Variants in NSMCE2 observed in about 807,000 individuals in gnomAD.
NSMCE2 encodes E3 SUMO-protein ligase NSE2.
In NSMCE2, 24 loss-of-function variants were observed where a neutral mutation model predicts 23.8. The observed-to-expected ratio is 1.01, with a 90% CI of 0.73 to 1.42. The LOEUF is 1.42. Among genes scored for constraint, NSMCE2 ranks in the 40% most tolerant of loss-of-function variants. The pLI is 0.00. For synonymous variants in NSMCE2, 92 were observed against 94.1 expected, an observed-to-expected ratio of 0.98 and a Z score of 0.13; for missense variants, 284 against 296.5, an observed-to-expected ratio of 0.96 and a Z score of 0.31.
chr8:125,233,062 G>A (rs1329724923), intron 5 of NSMCE2, among the ~76,000 whole-genome samples: 3 of 152,138 alleles, frequency 2.0e-5, no homozygotes, highest in Non-Finnish European at 4.4e-5. Flanking sequence ...GTGACCTTAC[G>A]GAAAAGTAAG....
intron 5 of NSMCE2, among the ~76,000 whole-genome samples, chr8:125,256,999 A>G (rs1473338606): frequency 1.4e-5 from 2 of 146,436 alleles, no homozygotes. Flanking sequence ...CCTGACATGT[A>G]GAAGTTAGTT....
At chr8:125,137,898 T>C (rs925684141) in intron 3 of NSMCE2, among the ~76,000 whole-genome samples, 2 of 152,228 alleles carry the variant, frequency 1.3e-5, no homozygotes, top group Non-Finnish European at 2.9e-5. Flanking sequence ...AGATGATGCA[T>C]GTAAATTGCT....
chr8:125,132,184 A>C (rs1208972123), intron 3 of NSMCE2, among the ~76,000 whole-genome samples: 2 of 152,076 alleles, frequency 1.3e-5, no homozygotes. Flanking sequence ...TGTAAACTGC[A>C]ACTCCTGGGC....
At chr8:125,131,854 C>A (rs574303163) in intron 3 of NSMCE2, among the ~76,000 whole-genome samples, 47 of 152,278 alleles carry the variant, frequency 3.1e-4, no homozygotes, top group African/African-American at 1.1e-3. Context: ...AGGTGCCTTG[C>A]ACAAGTAGGT....
At chr8:125,307,995 A>C (rs1004130549) in intron 5 of NSMCE2, among the ~76,000 whole-genome samples, 3 of 152,118 alleles carry the variant, frequency 2.0e-5, no homozygotes, top group Admixed American at 2.0e-4. Flanking sequence ...CAAATCTGAC[A>C]ACACTGTGTC....
At chr8:125,348,329 T>G (rs1178099033) in intron 5 of NSMCE2, 1 of 152,292 alleles carries the variant, frequency 6.6e-6, no homozygotes, top group Non-Finnish European at 1.5e-5. Flanking sequence ...TTCTAGTATT[T>G]TTGTTGAAAT....
chr8:125,301,952 C>T (rs760727653), intron 5 of NSMCE2, among the ~76,000 whole-genome samples: 7 of 151,890 alleles, frequency 4.6e-5, no homozygotes, highest in East Asian at 3.9e-4. Context: ...CATGAGCCAC[C>T]GCACCTGCCC....
intron 5 of NSMCE2, among the ~76,000 whole-genome samples, chr8:125,312,838 C>T (rs1829021834): frequency 1.3e-5 from 2 of 151,796 alleles, no homozygotes; most frequent in East Asian, 3.9e-4. Flanking sequence ...AGTACGGGGC[C>T]GGTTGGAGAA....
intron 5 of NSMCE2, among the ~76,000 whole-genome samples, chr8:125,294,010 T>C (rs1049417013): frequency 1.3e-5 from 2 of 152,328 alleles, no homozygotes; most frequent in South Asian, 4.1e-4. Context: ...CCACTAAATC[T>C]ACTTTCTATC....
At position 125,157,303 on chromosome 8, in the gene NSMCE2, C is replaced by G. The variant is rs554686955; in HGVS notation, c.264+6026C>G. Among the ~76,000 whole-genome samples the G allele has an allele frequency of 1.2e-4, 18 of 152,312 alleles. No individual in the cohort carries two copies. The South Asian group carries it at 3.7e-3, about 32-fold the overall frequency. On this transcript the variant is annotated intron_variant, in intron 4 of 7. Transcript: ENST00000287437. ...AAGTACTAGGAGACTCACCTCTTCTCTACTCGCTGCATATGGCATTCTACA... is the reference window on the plus strand; with the variant it reads ...AAGTACTAGGAGACTCACCTCTTCTGTACTCGCTGCATATGGCATTCTACA...
intron 5 of NSMCE2, among the ~76,000 whole-genome samples, chr8:125,258,064 T>C (rs1826521130): frequency 6.6e-6 from 1 of 152,204 alleles, no homozygotes; most frequent in Non-Finnish European, 1.5e-5. Flanking sequence ...ATTCATGTAG[T>C]AGCATCTATT....
intron 3 of NSMCE2, among the ~76,000 whole-genome samples, chr8:125,129,843 A>G (rs1280194574): frequency 1.3e-5 from 2 of 152,094 alleles, no homozygotes; most frequent in Admixed American, 6.6e-5. Flanking sequence ...CCAAAGTTGT[A>G]GATAGTGGAG....
intron 4 of NSMCE2, among the ~76,000 whole-genome samples, chr8:125,174,475 C>T (rs375842251): frequency 6.6e-6 from 1 of 152,148 alleles, no homozygotes; most frequent in Non-Finnish European, 1.5e-5. Flanking sequence ...TCCGGTTGGT[C>T]ATCGTATTAT....
At chr8:125,105,625 A>G (rs969269500) in intron 3 of NSMCE2, among the ~76,000 whole-genome samples, 5 of 152,224 alleles carry the variant, frequency 3.3e-5, no homozygotes, top group Non-Finnish European at 7.3e-5. Context: ...CCAGATAACA[A>G]ATATTTTCAA....
intron 4 of NSMCE2, among the ~76,000 whole-genome samples, chr8:125,159,088 G>A (rs986606801): frequency 3.9e-5 from 6 of 152,182 alleles, no homozygotes; most frequent in Admixed American, 3.9e-4. Flanking sequence ...GCTCTGTCCT[G>A]TCTTCATCAC....
chr8:125,296,284 ATGTT>A (rs1828322246), intron 5 of NSMCE2, among the ~76,000 whole-genome samples: 1 of 152,016 alleles, frequency 6.6e-6, no homozygotes. Context: ...AATGAATACT[ATGTT>A]TGTAAGAGAG....
chr8:125,194,062 A>G (rs1823484594), intron 5 of NSMCE2, among the ~76,000 whole-genome samples: 1 of 152,180 alleles, frequency 6.6e-6, no homozygotes, highest in Non-Finnish European at 1.5e-5. Context: ...ACTGTATTTC[A>G]TAAGGCATAT....
chr8:125,095,616 CA>C (rs753843110), intron 1 of NSMCE2, among the ~76,000 whole-genome samples: 11 of 150,814 alleles, frequency 7.3e-5, no homozygotes, highest in Non-Finnish European at 1.5e-4. Flanking sequence ...AAACCGAGGC[CA>C]GGGGCAGTGG....
At chr8:125,196,007 A>G (rs920922041) in intron 5 of NSMCE2, among the ~76,000 whole-genome samples, 5 of 149,418 alleles carry the variant, frequency 3.3e-5, no homozygotes, top group East Asian at 2.0e-4. Context: ...CTGCCTCCCA[A>G]GTAGCTGGGA....
Sources: gnomAD v4.1 joint callset for allele counts (sites outside exome capture counted in the v4.1 genomes callset) on GRCh38, gnomAD v4.1.1 for gene constraint, MANE v1.5 for transcripts, NCBI Gene and HGNC (gene_info 2026-07-23, HGNC 2026-07-21) for gene names.